Variants in ALDH4A1 observed in about 807,000 individuals in gnomAD.
ALDH4A1 encodes aldehyde dehydrogenase 4 family member A1.
ALDH4A1 carries 46 observed loss-of-function variants against 70.5 expected under a neutral mutation model. The ratio of observed to expected loss-of-function variants is 0.65; its 90% CI spans 0.51 to 0.83. ALDH4A1 has a LOEUF of 0.83. ALDH4A1 is among the 40% of genes least tolerant of loss of function. The pLI is 0.00. For synonymous variants in ALDH4A1, 323 were observed against 324.3 expected, an observed-to-expected ratio of 1.00 and a Z score of 0.04; for missense variants, 749 against 766.5, an observed-to-expected ratio of 0.98 and a Z score of 0.27.
At chr1:18,896,109 A>G (rs866994850) in intron 1 of ALDH4A1, among the ~76,000 whole-genome samples, 1 of 152,022 alleles carries the variant, frequency 6.6e-6, no homozygotes, top group East Asian at 1.9e-4. Flanking sequence ...TGGGGCTCCT[A>G]TCGGATTCCT....
chr1:18,893,543 C>T (rs1193973477), intron 1 of ALDH4A1, among the ~76,000 whole-genome samples: 1 of 152,030 alleles, frequency 6.6e-6, no homozygotes, highest in African/African-American at 2.4e-5. Flanking sequence ...TACTCTGTCA[C>T]CCAGGCTGAA....
At chr1:18,892,041 A>C (rs943868935) in intron 1 of ALDH4A1, among the ~76,000 whole-genome samples, 5 of 152,008 alleles carry the variant, frequency 3.3e-5, no homozygotes, top group African/African-American at 1.2e-4. Context: ...GAAAAAAAAA[A>C]AAATCAGGAA....
rs912333402 is a variant in ALDH4A1 at position 18,880,417 on chromosome 1, G to A, written c.867-1044C>T. On this transcript the variant is annotated intron_variant, in intron 8 of 14. Transcript: ENST00000375341. This position sits in a 1 kb window ranked among gnomAD's most constrained non-coding sequence, Gnocchi z 5.1. ...GCACCCCAACCCCAACTCCAGGACA[G>A]GCAATGGCCACTGTGCCTCCCTGCA... Among the ~76,000 whole-genome samples, 4 of 151,674 alleles carry A rather than the reference G, an allele frequency of 2.6e-5. No homozygotes were observed. The highest frequency in any genetic ancestry group is 5.9e-5 in the Non-Finnish European group (4 of 67,960).
chr1:18,877,033 C>A (rs1159363929), intron 11 of ALDH4A1, among the ~76,000 whole-genome samples, 175 bp downstream of exon 11: 1 of 152,156 alleles, frequency 6.6e-6, no homozygotes, highest in Non-Finnish European at 1.5e-5. Flanking sequence ...TGTCTGGCTA[C>A]GGCTGATTCT....
intron 1 of ALDH4A1, among the ~76,000 whole-genome samples, chr1:18,894,508 A>C (rs1430841769): frequency 1.3e-5 from 2 of 152,216 alleles, no homozygotes; most frequent in Non-Finnish European, 1.5e-5. Flanking sequence ...GTGCCACTGC[A>C]CTCCAGCCTG....
chr1:18,884,527 T>G (rs1935115587), intron 5 of ALDH4A1, among the ~76,000 whole-genome samples: 1 of 151,234 alleles, frequency 6.6e-6, no homozygotes, highest in Non-Finnish European at 1.5e-5. Context: ...CTCACTCAAC[T>G]TGCATTTAGC....
At chr1:18,874,169 T>C (rs1229358827) in intron 14 of ALDH4A1, among the ~76,000 whole-genome samples, 1 of 152,180 alleles carries the variant, frequency 6.6e-6, no homozygotes, top group Non-Finnish European at 1.5e-5. Flanking sequence ...GTAGAGGTTG[T>C]TGGACTTAAG....
At chr1:18,879,414 C>T (rs557229082) in intron 8 of ALDH4A1, 41 bp from the exon 9 acceptor site, 1 of 1,572,444 alleles carries the variant, frequency 6.4e-7, no homozygotes, top group Non-Finnish European at 8.7e-7. Context: ...GGGAGCCAGG[C>T]CAGAGGAAGG....
At chr1:18,878,863 C>T (rs1242261307) in intron 9 of ALDH4A1, among the ~76,000 whole-genome samples, 1 of 152,206 alleles carries the variant, frequency 6.6e-6, no homozygotes, top group African/African-American at 2.4e-5. Flanking sequence ...CCGTCTTCTC[C>T]TACCAGCCCT....
chr1:18,897,630 A>AG (rs1935668652), intron 1 of ALDH4A1, among the ~76,000 whole-genome samples: 1 of 152,244 alleles, frequency 6.6e-6, no homozygotes, highest in Non-Finnish European at 1.5e-5. Flanking sequence ...CTGTTTACGG[A>AG]TGAGGTTCAG....
chr1:18,896,515 T>A (rs1359640170), intron 1 of ALDH4A1, among the ~76,000 whole-genome samples: 1 of 152,206 alleles, frequency 6.6e-6, no homozygotes, highest in African/African-American at 2.4e-5. Context: ...TGGAGCCTGA[T>A]AAGGCTAATC....
In ALDH4A1 at chr1:18,902,337, G is replaced by C. The variant is rs1222845402; in HGVS notation, c.62+125C>G. ...CGGAGGGGAGCCCCTGAGGAACCCGGCGTTGACCGAGGCAGCTTGGGGGTC... is the reference window on the plus strand; with the variant it reads ...CGGAGGGGAGCCCCTGAGGAACCCGCCGTTGACCGAGGCAGCTTGGGGGTC... On this transcript the variant is annotated intron_variant, in intron 1 of 14. Coordinates refer to ENST00000375341, the MANE Select transcript of ALDH4A1 (RefSeq NM_003748.4). 4 of 765,044 alleles carry C rather than the reference G, an allele frequency of 5.2e-6. No individual in the cohort carries two copies. In the East Asian group the frequency reaches 1.1e-4, roughly 20 times the overall value. 47.4% of individuals were successfully genotyped at this position (765,044 alleles called of 1,614,324 possible).
intron 1 of ALDH4A1, among the ~76,000 whole-genome samples, chr1:18,895,515 C>A (rs530410950): frequency 6.6e-6 from 1 of 152,336 alleles, no homozygotes; most frequent in South Asian, 2.1e-4. Context: ...CACCATTTCA[C>A]CTCCTGTGGC....
chr1:18,889,440 C>T lies in ALDH4A1; in HGVS notation c.171G>A (p.Leu57=). Residue 57 remains leucine (L), a synonymous_variant, in exon 3 of 15, where the codon CTG becomes CTA. Transcript: ENST00000375341. ...ATGGGATGGCTTCCATCCGGCCCTT[C>T]AGGTCCTTCAAGGCCTGGGGAGAGG... is the stretch of plus-strand genomic sequence containing the variant. The part of the protein sequence containing the change: ...RDALQKALKD[L]KGRMEAIPCV... 1 of 1,552,030 alleles carries T rather than the reference C, an allele frequency of 6.4e-7. No individual in the cohort carries two copies. Among genetic ancestry groups the T allele is most frequent in the Non-Finnish European group, 8.7e-7 (1 of 1,147,158 alleles).
At chr1:18,895,533 GTC>G (rs1935589171) in intron 1 of ALDH4A1, among the ~76,000 whole-genome samples, 4 of 152,308 alleles carry the variant, frequency 2.6e-5, no homozygotes, top group African/African-American at 9.6e-5. Context: ...GGCAGGAGAT[GTC>G]AGGGCTACAA....
intron 3 of ALDH4A1, among the ~76,000 whole-genome samples, chr1:18,888,906 A>C (rs904185456): frequency 2.0e-5 from 3 of 152,238 alleles, no homozygotes; most frequent in African/African-American, 7.2e-5. Flanking sequence ...CCCTGTTTGC[A>C]AAAGGGCTGA....
chr1:18,876,423 T>C lies in ALDH4A1; in HGVS notation c.1230A>G (p.Ser410=), dbSNP rs7550938. 0.7 allele frequency: 1,118,524 copies of C among 1,608,858 alleles called. 391,287 individuals carry two copies. The highest frequency in any genetic ancestry group is 0.78 in the Admixed American group (46,786 of 59,638). ...IKKWLEHARS[S]PSLTILAGGK... is the part of the protein sequence containing the mutation. ...CCCCGGCCAGGATGGTGAGGCTGGG[T>C]GAGGAGCGTGCGTGCTCCAGCCACT... The change falls in exon 12 of 15, where the codon TCA becomes TCG. Residue 410 remains serine (S), a synonymous_variant. Coordinates refer to ENST00000375341, the MANE Select transcript of ALDH4A1 (RefSeq NM_003748.4).
At chr1:18,895,751 C>A (rs763547031) in intron 1 of ALDH4A1, among the ~76,000 whole-genome samples, 3 of 152,174 alleles carry the variant, frequency 2.0e-5, no homozygotes, top group Non-Finnish European at 4.4e-5. Flanking sequence ...CACAGAGGGC[C>A]CAGACTCCAC....
At position 18,876,427 on chromosome 1, in the gene ALDH4A1, G is replaced by A. The variant is rs377173835; in HGVS notation, c.1226C>T (p.Ser409Phe). ...RIKKWLEHAR[S>F]SPSLTILAGG... is the part of the protein sequence containing the mutation. ...GGCCAGGATGGTGAGGCTGGGTGAG[G>A]AGCGTGCGTGCTCCAGCCACTTCTT... The change falls in exon 12 of 15, where the codon TCC becomes TTC. Residue 409 changes from serine (S) to phenylalanine (F), a missense_variant. Physicochemically the swap from Ser to Phe is radical, Grantham distance 155. Coordinates refer to ENST00000375341, the MANE Select transcript of ALDH4A1 (RefSeq NM_003748.4). 22 of 1,608,816 alleles carry A rather than the reference G, an allele frequency of 1.4e-5. No homozygotes were observed. The highest frequency in any genetic ancestry group is 4.0e-5 in the African/African-American group (3 of 74,810).
Sources: allele counts gnomAD v4.1 joint callset (sites outside exome capture counted in the v4.1 genomes callset), GRCh38; gene constraint gnomAD v4.1.1; non-coding constraint Gnocchi (gnomAD v3.1); transcripts MANE v1.5; gene names NCBI Gene and HGNC (gene_info 2026-07-23, HGNC 2026-07-21).